The following ARIH2 variants were observed in gnomAD, a reference collection of about 807,000 sequenced individuals.
The protein encoded by ARIH2 is E3 ubiquitin-protein ligase ARIH2.
Under a neutral mutation model 79.8 loss-of-function variants are expected in ARIH2, and 12 were observed. The observed-to-expected ratio is 0.15, with a 90% CI of 0.10 to 0.24. The LOEUF (loss-of-function observed/expected upper bound fraction) is 0.24. ARIH2 is among the 10% of genes least tolerant of loss of function. The pLI is 1.00. For synonymous variants in ARIH2, 224 were observed against 213.9 expected, an observed-to-expected ratio of 1.05 and a Z score of -0.41; for missense variants, 301 against 618.3, an observed-to-expected ratio of 0.49 and a Z score of 5.44.
chr3:48,937,819 G>C (rs768625257), intron 3 of ARIH2, among the ~76,000 whole-genome samples: 2 of 152,070 alleles, frequency 1.3e-5, no homozygotes, highest in Non-Finnish European at 2.9e-5. Context: ...AGGCCAGGGC[G>C]GGTGGATCAT....
At chr3:48,934,952 G>T in intron 3 of ARIH2, 1 of 985,008 alleles carries the variant, frequency 1.0e-6, no homozygotes, top group Non-Finnish European at 1.2e-6. Flanking sequence ...GGGTGATACG[G>T]TATTTGTGTG....
chr3:48,933,154 G>A (rs1253892869), intron 3 of ARIH2, among the ~76,000 whole-genome samples: 1 of 152,076 alleles, frequency 6.6e-6, no homozygotes, highest in Non-Finnish European at 1.5e-5. Flanking sequence ...TTGGCTAACT[G>A]CAGCCTCCAA....
At chr3:48,953,986 A>T (rs2090294430) in intron 3 of ARIH2, among the ~76,000 whole-genome samples, 1 of 151,634 alleles carries the variant, frequency 6.6e-6, no homozygotes, top group Non-Finnish European at 1.5e-5. Flanking sequence ...CAACATGGTG[A>T]AACACTCTCT....
At position 48,949,671 on chromosome 3, in the gene ARIH2, G is replaced by A. The variant is rs1040466400; in HGVS notation, c.256-11941G>A. Among the ~76,000 whole-genome samples, 9 of 152,004 alleles carry A rather than the reference G, an allele frequency of 5.9e-5. No individual in the cohort carries two copies. The East Asian group carries it at 1.3e-3, about 23-fold the overall frequency. ...GCTATTCATACATTTATTTTTTGTG[G>A]TGAAATGTCTGTTCAAATACTTTGT... On this transcript the variant is annotated intron_variant, in intron 3 of 15. Coordinates refer to ENST00000356401, the MANE Select transcript of ARIH2 (RefSeq NM_006321.4).
Position 48,964,298 on chromosome 3 carries a change from C to T in ARIH2, c.324-621C>T, listed in dbSNP as rs182265386. ...CTGAGACTACAGGTGTGAGCCACTG[C>T]GCCCAGCCATATATATAGAATTTTT... On this transcript the variant is annotated intron_variant, in intron 4 of 15. Coordinates refer to ENST00000356401, the MANE Select transcript of ARIH2 (RefSeq NM_006321.4). Among the ~76,000 whole-genome samples the T allele has an allele frequency of 2.0e-3, 301 of 150,828 alleles. 2 individuals are homozygous for T. Among genetic ancestry groups the T allele is most frequent in the African/African-American group, 6.9e-3 (282 of 41,028 alleles).
chr3:48,939,102 G>C (rs2087640753), intron 3 of ARIH2, among the ~76,000 whole-genome samples: 1 of 151,826 alleles, frequency 6.6e-6, no homozygotes, highest in African/African-American at 2.4e-5. Flanking sequence ...TGAGTAGCTG[G>C]GACTACAGGC....
At chr3:48,941,828 CT>C (rs1200582100) in intron 3 of ARIH2, among the ~76,000 whole-genome samples, 1 of 151,588 alleles carries the variant, frequency 6.6e-6, no homozygotes, top group African/African-American at 2.4e-5. Context: ...GTGATCCACC[CT>C]GCCTCGGCCT....
At chr3:48,919,055 C>T (rs1232465553) in intron 1 of ARIH2, 57 bp downstream of exon 1, 5 of 1,324,066 alleles carry the variant, frequency 3.8e-6, no homozygotes, top group Non-Finnish European at 4.8e-6. Context: ...CTGGGGGGGC[C>T]TCTCCGCGCG....
At chr3:48,948,878 G>A (rs139588306) in intron 3 of ARIH2, among the ~76,000 whole-genome samples, 9 of 152,314 alleles carry the variant, frequency 5.9e-5, no homozygotes, top group Middle Eastern at 3.4e-3. Flanking sequence ...TGCATCAGTA[G>A]TGTGTTCTCT....
At position 48,919,101 on chromosome 3, in the gene ARIH2, C is replaced by A. The variant is rs373018609; in HGVS notation, c.-162+103C>A. 103 of 1,277,360 alleles carry A rather than the reference C, an allele frequency of 8.1e-5. No homozygotes were observed. In the African/African-American group the frequency reaches 1.5e-3, roughly 18 times the overall value. 79.1% of individuals were successfully genotyped at this position (1,277,360 alleles called of 1,614,324 possible). On this transcript the variant is annotated intron_variant, in intron 1 of 15. Coordinates refer to ENST00000356401, the MANE Select transcript of ARIH2 (RefSeq NM_006321.4). ...CGGGCCGGGACTCCGCCTTCGCCGT[C>A]GCCCGGGAGGCCCGGGCGCTCCCCG...
In ARIH2 at chr3:48,986,206, C is replaced by T. The variant is rs1470039528; in HGVS notation, c.*2936C>T. On this transcript the variant is annotated 3_prime_UTR_variant, in exon 16 of 16. Transcript: ENST00000356401. ...TGAACTCCGCAGCTCTTCCTCTGGA[C>T]CTCAGGTGTGCCAAGCCCCACGCTT... is the stretch of plus-strand genomic sequence containing the variant. 6.6e-6 allele frequency: 1 copy of T among 152,218 alleles called. No individual in the cohort carries two copies. Among genetic ancestry groups the T allele is most frequent in the Non-Finnish European group, 1.5e-5 (1 of 68,048 alleles). The allele number at this position is 152,218 out of a possible 1,614,324, so 9.4% of individuals were successfully genotyped here. A position where few individuals can be genotyped will look rare whatever the true frequency, so the allele number is the denominator to read the frequency against.
At chr3:48,959,671 AAAAAG>A (rs1379245753) in intron 3 of ARIH2, among the ~76,000 whole-genome samples, 1 of 150,962 alleles carries the variant, frequency 6.6e-6, no homozygotes, top group Non-Finnish European at 1.5e-5. Flanking sequence ...AAAAAAAAAA[AAAAAG>A]AAAAGAAAAT....
At chr3:48,982,419 G>A (rs1336860994) in intron 14 of ARIH2, among the ~76,000 whole-genome samples, 2 of 152,090 alleles carry the variant, frequency 1.3e-5, no homozygotes, top group African/African-American at 4.8e-5. Context: ...TTCTTTCACT[G>A]CTATAAATAG....
In ARIH2 at chr3:48,985,347, C is replaced by T. The variant is rs1416782299; in HGVS notation, c.*2077C>T. The T allele has an allele frequency of 6.6e-6, 1 of 152,182 alleles. No individual in the cohort carries two copies. Among genetic ancestry groups the T allele is most frequent in the Non-Finnish European group, 1.5e-5 (1 of 68,042 alleles). 9.4% of individuals were successfully genotyped at this position (152,182 alleles called of 1,614,324 possible). On this transcript the variant is annotated 3_prime_UTR_variant, in exon 16 of 16. Transcript: ENST00000356401. Reference sequence around the variant, plus strand: ...GCCCTCAGTGGCTGTCGTTTGTTAACATCATCAGGAAGATGGGAAAGGTCA... The same window carrying T: ...GCCCTCAGTGGCTGTCGTTTGTTAATATCATCAGGAAGATGGGAAAGGTCA...
intron 7 of ARIH2, among the ~76,000 whole-genome samples, chr3:48,968,922 T>G (rs1050662878): frequency 2.0e-5 from 3 of 152,152 alleles, no homozygotes; most frequent in African/African-American, 7.2e-5. Context: ...CCTTGCTGTG[T>G]TGCCTGGCTG....
At chr3:48,943,642 A>G (rs1453119059) in intron 3 of ARIH2, 1 of 152,188 alleles carries the variant, frequency 6.6e-6, no homozygotes, top group East Asian at 1.9e-4. Flanking sequence ...ATAAACAGAA[A>G]GGTTATAAAA....
chr3:48,935,459 G>A (rs1134591), intron 3 of ARIH2, among the ~76,000 whole-genome samples: 100,616 of 152,028 alleles, frequency 0.66, 33,979 homozygotes, highest in East Asian at 0.96. Flanking sequence ...GAGTACCTAT[G>A]TATTACAGTT....
At position 48,918,923 on chromosome 3, in the gene ARIH2, C is replaced by T; in HGVS notation, c.-237C>T. On this transcript the variant is annotated 5_prime_UTR_variant, in exon 1 of 16. Transcript: ENST00000356401. ...CCGCCGCCTCCGCTGCCGCTTCGCCCCAATCCGGTCCCTCTGGCCCGGCCT... is the reference window on the plus strand; with the variant it reads ...CCGCCGCCTCCGCTGCCGCTTCGCCTCAATCCGGTCCCTCTGGCCCGGCCT... 1.3e-6 allele frequency: 2 copies of T among 1,594,928 alleles called. No individual in the cohort carries two copies. The highest frequency in any genetic ancestry group is 1.7e-6 in the Non-Finnish European group (2 of 1,174,808).
intron 3 of ARIH2, among the ~76,000 whole-genome samples, chr3:48,946,712 T>G (rs1282594876): frequency 6.6e-6 from 1 of 151,956 alleles, no homozygotes; most frequent in Admixed American, 6.6e-5. Context: ...CATTTCAAGC[T>G]GGAAAGAAAG....
Sources: gnomAD v4.1 joint callset for allele counts (sites outside exome capture counted in the v4.1 genomes callset) on GRCh38, gnomAD v4.1.1 for gene constraint, MANE v1.5 for transcripts, NCBI Gene and HGNC (gene_info 2026-07-23, HGNC 2026-07-21) for gene names.